The following LRP1B variants were observed in gnomAD, a reference collection of about 807,000 sequenced individuals.
LRP1B encodes low-density lipoprotein receptor-related protein 1B.
In LRP1B, 217 loss-of-function variants were observed where a neutral mutation model predicts 556.6. The ratio of observed to expected loss-of-function variants is 0.39; its 90% CI spans 0.35 to 0.44. The LOEUF (loss-of-function observed/expected upper bound fraction) is 0.44. LRP1B is among the 20% of genes least tolerant of loss of function. LRP1B has a pLI of 1.00. For missense variants in LRP1B, 5,053 were observed against 5,620.8 expected (o/e 0.90, Z 3.23); for synonymous variants, 2,047 against 1,865.8 (o/e 1.10, Z -2.50).
In LRP1B at chr2:140,541,884, T is replaced by C. The variant is rs1297481913; in HGVS notation, c.7282A>G (p.Ile2428Val). 1 of 1,612,980 alleles carries C rather than the reference T, an allele frequency of 6.2e-7. No individual in the cohort carries two copies. Among genetic ancestry groups the C allele is most frequent in the South Asian group, 1.1e-5 (1 of 91,038 alleles). Residue 2428 changes from isoleucine (I) to valine (V), a missense_variant, in exon 44 of 91, where the codon ATA (isoleucine) becomes GTA (valine). Physicochemically the swap from Ile to Val is conservative, Grantham distance 29. Around this residue, in one of 5 missense-constraint regions of LRP1B, gnomAD observed 3,619 missense variants for 3,931.9 expected, o/e 0.92. Coordinates refer to ENST00000389484, the MANE Select transcript of LRP1B (RefSeq NM_018557.3). ...CCTGTGTACTTGTTGGACCGCAGTA[T>C]AGCTCTTCTTCCCCAGTCCGACCAG... ...IFWSDWGRRA[I>V]LRSNKYTGGD...
intron 7 of LRP1B, among the ~76,000 whole-genome samples, chr2:141,092,912 G>A (rs896630388): frequency 1.3e-5 from 2 of 152,172 alleles, no homozygotes; most frequent in African/African-American, 4.8e-5. Flanking sequence ...AATGATTTCA[G>A]TGGTTTAGGA....
rs185406432 is a variant in LRP1B, at chr2:140,733,148, C to T, written c.5759-16332G>A. ...ACAAAAGGAAACTCAAAAGGAATCT[C>T]GAGTGCTTCAGGAAATCTTGTCAGT... On this transcript the variant is annotated intron_variant, in intron 35 of 90. Transcript: ENST00000389484. Among the ~76,000 whole-genome samples, 43 of 152,142 alleles carry T rather than the reference C, an allele frequency of 2.8e-4. No individual in the cohort carries two copies. The East Asian group carries it at 7.0e-3, about 25-fold the overall frequency.
chr2:141,554,243 GGAATAGACCTAGATATAGATTATATA>G (rs1559137961), intron 2 of LRP1B, among the ~76,000 whole-genome samples: 21 of 107,784 alleles, frequency 1.9e-4, no homozygotes, highest in Non-Finnish European at 2.9e-4. Flanking sequence ...TATATCTATA[GGAATAGACCTAGATATAGATTATATA>G]TATCTATAGG....
intron 20 of LRP1B, among the ~76,000 whole-genome samples, chr2:140,934,951 A>G (rs370214014): frequency 6.6e-6 from 1 of 152,196 alleles, no homozygotes; most frequent in South Asian, 2.1e-4. Flanking sequence ...ATACCAAGGG[A>G]AAGTCACAGG....
intron 2 of LRP1B, among the ~76,000 whole-genome samples, chr2:141,515,058 T>C (rs1684263196): frequency 6.6e-6 from 1 of 152,128 alleles, no homozygotes; most frequent in Non-Finnish European, 1.5e-5. Context: ...ATCCCAGCAC[T>C]TTGGGAGGCT....
chr2:141,533,514 A>C (rs1574053242), intron 2 of LRP1B, among the ~76,000 whole-genome samples: 1 of 152,206 alleles, frequency 6.6e-6, no homozygotes, highest in East Asian at 1.9e-4. Context: ...ATTACGGATA[A>C]ATGCTATTTA....
At chr2:140,567,318 A>G (rs375776694) in intron 43 of LRP1B, among the ~76,000 whole-genome samples, 2 of 152,108 alleles carry the variant, frequency 1.3e-5, no homozygotes, top group Non-Finnish European at 1.5e-5. Flanking sequence ...AAGTCCTACA[A>G]TCCCAGGGTC....
intron 46 of LRP1B, 128 bp from the exon 47 acceptor site, chr2:140,534,268 A>G: frequency 1.1e-6 from 1 of 886,974 alleles, no homozygotes; most frequent in Non-Finnish European, 1.7e-6. Context: ...GCTGTGCCAT[A>G]TAATAGCTCT....
intron 66 of LRP1B, among the ~76,000 whole-genome samples, chr2:140,438,038 A>T (rs1186761504): frequency 6.6e-6 from 1 of 152,036 alleles, no homozygotes; most frequent in African/African-American, 2.4e-5. Context: ...GTTTTTTCTG[A>T]GATAGGGTCT....
In LRP1B at chr2:140,661,554, C is replaced by G. The variant is rs112016197; in HGVS notation, c.6799+38696G>C. 4.6e-5 allele frequency among the ~76,000 whole-genome samples: 7 copies of G among 150,856 alleles called. 1 individual carries two copies. Among genetic ancestry groups the G allele is most frequent in the African/African-American group, 1.7e-4 (7 of 41,096 alleles). ...TGGTGGCACACACCTATAGTCCCAGCTACTGGGGTGGTTGAGATAGGAGAA... is the reference window on the plus strand; with the variant it reads ...TGGTGGCACACACCTATAGTCCCAGGTACTGGGGTGGTTGAGATAGGAGAA... On this transcript the variant is annotated intron_variant, in intron 41 of 90. Transcript: ENST00000389484.
chr2:140,308,092 A>G (rs569671596), intron 83 of LRP1B, among the ~76,000 whole-genome samples: 1 of 151,854 alleles, frequency 6.6e-6, no homozygotes, highest in African/African-American at 2.4e-5. Context: ...ATCAATCACT[A>G]TTGACACCCA....
intron 1 of LRP1B, among the ~76,000 whole-genome samples, chr2:141,934,115 G>A (rs1574505628): frequency 6.6e-6 from 1 of 152,084 alleles, no homozygotes; most frequent in South Asian, 2.1e-4. Context: ...TAAAAATGTA[G>A]TTTATTTAGA....
At chr2:140,799,775 G>A (rs1193810837) in intron 32 of LRP1B, among the ~76,000 whole-genome samples, 2 of 152,134 alleles carry the variant, frequency 1.3e-5, no homozygotes, top group South Asian at 4.1e-4. Context: ...TGCGGACGAA[G>A]AGGTTCCAAG....
chr2:140,676,837 A>G (rs913489619), intron 41 of LRP1B, among the ~76,000 whole-genome samples: 4 of 152,234 alleles, frequency 2.6e-5, no homozygotes, highest in African/African-American at 7.2e-5. Flanking sequence ...AATAAATCAA[A>G]TTATGTACAA....
chr2:141,175,278 G>T (rs1264922907), intron 7 of LRP1B, among the ~76,000 whole-genome samples: 2 of 152,110 alleles, frequency 1.3e-5, no homozygotes, highest in Non-Finnish European at 2.9e-5. Flanking sequence ...ACAAAACTTT[G>T]CATAAGTAAA....
At chr2:141,588,332 G>A (rs11674506) in intron 2 of LRP1B, among the ~76,000 whole-genome samples, 12,100 of 151,642 alleles carry the variant, frequency 0.08, 561 homozygotes, top group South Asian at 0.14. Context: ...GCATACCACA[G>A]CCTAGAAAAC....
rs1687181426 is a variant in LRP1B at position 140,458,197 on chromosome 2, A to G, written c.9626-546T>C. Among the ~76,000 whole-genome samples, 3 of 152,156 alleles carry G rather than the reference A, an allele frequency of 2.0e-5. No homozygotes were observed. The South Asian group carries it at 6.2e-4, about 31-fold the overall frequency. On this transcript the variant is annotated intron_variant, in intron 60 of 90. Transcript: ENST00000389484. ...AAACCTTTTCAGCCACTGAGATTTT[A>G]TGAGCACTTTTACTTGCAAGGTGAG...
At chr2:141,142,192 C>A (rs1243492813) in intron 7 of LRP1B, among the ~76,000 whole-genome samples, 2 of 152,136 alleles carry the variant, frequency 1.3e-5, no homozygotes, top group Non-Finnish European at 2.9e-5. Flanking sequence ...ACCTTGACAC[C>A]TTCTCACCAG....
chr2:140,404,205 C>T (rs1405863182), intron 66 of LRP1B, among the ~76,000 whole-genome samples: 40 of 127,628 alleles, frequency 3.1e-4, no homozygotes, highest in African/African-American at 8.1e-4. Flanking sequence ...GACAGAGTCT[C>T]GCTCTGTCTC....
Sources: gnomAD v4.1 joint callset for allele counts (sites outside exome capture counted in the v4.1 genomes callset) on GRCh38, gnomAD v4.1.1 for gene constraint, gnomAD v4.1.1 regional missense constraint, MANE v1.5 for transcripts, NCBI Gene and HGNC (gene_info 2026-07-23, HGNC 2026-07-21) for gene names.